CCDC88C: variants seen among roughly 807,000 people sequenced by gnomAD.
CCDC88C encodes the protein protein Daple.
CCDC88C carries 131 observed loss-of-function variants against 198.8 expected under a neutral mutation model. The ratio of observed to expected loss-of-function variants is 0.66; its 90% CI spans 0.57 to 0.76. The LOEUF (loss-of-function observed/expected upper bound fraction) is 0.76, where lower values mean the gene tolerates loss of function less well. Ranked by LOEUF, CCDC88C falls within the 30% of genes least tolerant of loss-of-function variation. The pLI is 0.00. For synonymous variants in CCDC88C, 1,166 were observed against 1,114.7 expected, an observed-to-expected ratio of 1.05 and a Z score of -0.92; for missense variants, 2,553 against 2,631.6, an observed-to-expected ratio of 0.97 and a Z score of 0.65.
chr14:91,358,386 CTGTGTTCCT>C (rs925661918), intron 4 of CCDC88C, among the ~76,000 whole-genome samples: 1 of 152,144 alleles, frequency 6.6e-6, no homozygotes, highest in African/African-American at 2.4e-5. Flanking sequence ...GTGGCTTTTC[CTGTGTTCCT>C]TGACCCCTCA....
At chr14:91,375,562 C>T (rs1418188827) in intron 3 of CCDC88C, among the ~76,000 whole-genome samples, 1 of 152,110 alleles carries the variant, frequency 6.6e-6, no homozygotes, top group East Asian at 1.9e-4. Context: ...AGACCCGCCC[C>T]GGCACCTGCT....
At chr14:91,414,466 A>G (rs1455888616) in intron 2 of CCDC88C, among the ~76,000 whole-genome samples, 6 of 152,218 alleles carry the variant, frequency 3.9e-5, no homozygotes, top group Non-Finnish European at 7.3e-5. Flanking sequence ...GCATAAAGTT[A>G]TAATTTGAGG....
chr14:91,292,378 CCT>C (rs33983046), intron 23 of CCDC88C, among the ~76,000 whole-genome samples: 27,049 of 152,010 alleles, frequency 0.18, 2,865 homozygotes, highest in African/African-American at 0.29. Flanking sequence ...AAATAATCCC[CCT>C]GAGTGCTCCT....
At chr14:91,363,388 GGT>G (rs2139911628) in intron 3 of CCDC88C, among the ~76,000 whole-genome samples, 1 of 152,094 alleles carries the variant, frequency 6.6e-6, no homozygotes, top group Non-Finnish European at 1.5e-5. Flanking sequence ...TAGGATCACA[GGT>G]GTGAGTCACC....
At chr14:91,399,205 G>A (rs560583941) in intron 3 of CCDC88C, among the ~76,000 whole-genome samples, 3 of 152,248 alleles carry the variant, frequency 2.0e-5, no homozygotes, top group African/African-American at 7.2e-5. Flanking sequence ...GCTCCCATCT[G>A]CATTCCCAGC....
At position 91,345,930 on chromosome 14, in the gene CCDC88C, C is replaced by CAA. The variant is rs556896901; in HGVS notation, c.341-2275_341-2274dup. Among the ~76,000 whole-genome samples the CAA allele has an allele frequency of 3.2e-3, 451 of 138,862 alleles. 6 individuals are homozygous for CAA. The highest frequency in any genetic ancestry group is 0.011 in the African/African-American group (426 of 38,378). The allele number at this position is 138,862 out of a possible 152,430, so 91.1% of individuals were successfully genotyped here. ...AATGTGCAGGGTTCCCTTTCAGGTT[C>CAA]AAAAAAAAAAAAATCTATGTGTTCT... On this transcript the variant is annotated intron_variant, in intron 4 of 29. Coordinates refer to ENST00000389857, the MANE Select transcript of CCDC88C (RefSeq NM_001080414.4).
intron 2 of CCDC88C, among the ~76,000 whole-genome samples, chr14:91,409,292 G>A (rs567070988): frequency 2.0e-5 from 3 of 151,724 alleles, no homozygotes; most frequent in Non-Finnish European, 2.9e-5. Flanking sequence ...GAGCTCAAGG[G>A]ATCTTCCTGT....
chr14:91,346,727 C>T (rs1219789535), intron 4 of CCDC88C, among the ~76,000 whole-genome samples: 1 of 152,076 alleles, frequency 6.6e-6, no homozygotes, highest in Non-Finnish European at 1.5e-5. Flanking sequence ...GGTGAAACCT[C>T]GACTCTACCA....
In CCDC88C at chr14:91,326,054, C is replaced by T. The variant is rs775429832; in HGVS notation, c.1053G>A (p.Glu351=). The change falls in exon 11 of 30, where the codon GAG becomes GAA. Residue 351 remains glutamate (E), a splice_region_variant and synonymous_variant. Transcript: ENST00000389857. Reference sequence around the variant, plus strand: ...TTAAAATGATATTATCTTCTCTCAGCTCCTGGTTAGCAAAAACATACATGA... The same window carrying T: ...TTAAAATGATATTATCTTCTCTCAGTTCCTGGTTAGCAAAAACATACATGA... ...DVDFYKARME[E]LREDNIILIE... 1 of 1,608,394 alleles carries T rather than the reference C, an allele frequency of 6.2e-7. No homozygotes were observed. Among genetic ancestry groups the T allele is most frequent in the East Asian group, 2.2e-5 (1 of 44,796 alleles).
At position 91,273,161 on chromosome 14, in the gene CCDC88C, G is replaced by T; in HGVS notation, c.5551C>A (p.Pro1851Thr). 5 of 1,580,924 alleles carry T rather than the reference G, an allele frequency of 3.2e-6. No individual in the cohort carries two copies. Among genetic ancestry groups the T allele is most frequent in the Non-Finnish European group, 4.3e-6 (5 of 1,163,822 alleles). ...GSHTLQSPAP[P>T]SSHSLARERT... ...TCCCGGGCCAGGCTATGGGAGCTGG[G>T]GGGTGCGGGGCTTTGCAGGGTGTGG... Residue 1851 changes from proline to threonine, a missense_variant, in exon 30 of 30, where the codon CCC becomes ACC. This residue lies in a region of CCDC88C where 1,293 missense variants were observed against 1,219.6 expected (regional missense o/e 1.06). Transcript: ENST00000389857. This position sits in a 1 kb window ranked among gnomAD's most constrained non-coding sequence, Gnocchi z 5.6.
chr14:91,378,044 T>A (rs1884557664), intron 3 of CCDC88C, among the ~76,000 whole-genome samples: 1 of 152,168 alleles, frequency 6.6e-6, no homozygotes, highest in Non-Finnish European at 1.5e-5. Context: ...ATCTGCCACA[T>A]TAGAGGAGAT....
At chr14:91,396,150 C>A (rs1395813922) in intron 3 of CCDC88C, among the ~76,000 whole-genome samples, 1 of 152,192 alleles carries the variant, frequency 6.6e-6, no homozygotes, top group East Asian at 1.9e-4. Flanking sequence ...CAAAGAAGAG[C>A]TGAATAACAA....
At chr14:91,291,582 G>A (rs1005403352) in intron 23 of CCDC88C, among the ~76,000 whole-genome samples, 2 of 152,184 alleles carry the variant, frequency 1.3e-5, no homozygotes, top group African/African-American at 4.8e-5. Flanking sequence ...GCTTTCAGGG[G>A]CCAGAAAGAG....
At chr14:91,297,925 T>G (rs906905724) in intron 21 of CCDC88C, among the ~76,000 whole-genome samples, 18 of 152,234 alleles carry the variant, frequency 1.2e-4, no homozygotes, top group African/African-American at 4.3e-4. Flanking sequence ...CAGCTCTTCT[T>G]CCCAATTCCA....
intron 3 of CCDC88C, among the ~76,000 whole-genome samples, chr14:91,389,961 C>G (rs1176187213): frequency 6.6e-6 from 1 of 151,706 alleles, no homozygotes; most frequent in Non-Finnish European, 1.5e-5. Context: ...AGTCCCAGCT[C>G]CTCGGGAGGC....
At chr14:91,310,292 A>C (rs1472698490) in intron 15 of CCDC88C, among the ~76,000 whole-genome samples, 1 of 152,050 alleles carries the variant, frequency 6.6e-6, no homozygotes, top group Non-Finnish European at 1.5e-5. Flanking sequence ...AGTATGTTTG[A>C]TTTCTGATAA....
chr14:91,297,349 G>C lies in CCDC88C; in HGVS notation c.3922C>G (p.Gln1308Glu), dbSNP rs1169357109. The C allele has an allele frequency of 7.4e-6, 12 of 1,613,774 alleles. No homozygotes were observed. The South Asian group carries it at 1.3e-4, about 18-fold the overall frequency. Residue 1308 changes from glutamine (Q) to glutamate (E), a missense_variant, in exon 22 of 30, where the codon CAG becomes GAG. Around this residue, in one of 2 missense-constraint regions of CCDC88C, gnomAD observed 1,293 missense variants for 1,219.6 expected, o/e 1.06. Transcript: ENST00000389857. The part of the protein sequence containing the change: ...ARFDELKEQH[Q>E]TMDISLTKLD... ...TTGGTCAGCGAGATGTCCATGGTCT[G>C]GTGCTGCTCCTTCAGCTCGTCGAAG...
In CCDC88C at chr14:91,326,076, A is replaced by G. The variant is rs1375411747; in HGVS notation, c.1051-20T>C. ...CAGCTCCTGGTTAGCAAAAACATAC[A>G]TGAGAACCATCAGATAAAGGCACCT... On this transcript the variant is annotated intron_variant, in intron 10 of 29. Coordinates refer to ENST00000389857, the MANE Select transcript of CCDC88C (RefSeq NM_001080414.4). 2 of 1,603,536 alleles carry G rather than the reference A, an allele frequency of 1.2e-6. No homozygotes were observed. The highest frequency in any genetic ancestry group is 1.7e-6 in the Non-Finnish European group (2 of 1,174,958).
At chr14:91,392,048 C>T (rs72701453) in intron 3 of CCDC88C, among the ~76,000 whole-genome samples, 5,444 of 152,154 alleles carry the variant, frequency 0.036, 152 homozygotes, top group Non-Finnish European at 0.057. Flanking sequence ...TGAGTTCACT[C>T]CCTGGCTCCA....
Sources: allele counts gnomAD v4.1 joint callset (sites outside exome capture counted in the v4.1 genomes callset), GRCh38; gene constraint gnomAD v4.1.1; regional missense constraint gnomAD v4.1.1; non-coding constraint Gnocchi (gnomAD v3.1); transcripts MANE v1.5; gene names NCBI Gene and HGNC (gene_info 2026-07-23, HGNC 2026-07-21).